The following EXOC4 variants were observed in gnomAD, a reference collection of about 807,000 sequenced individuals.
EXOC4 encodes the protein SEC8-like 1.
In EXOC4, 71 loss-of-function variants were observed where a neutral mutation model predicts 107.2. That is an observed-to-expected ratio of 0.66 (90% CI 0.55 to 0.81). The LOEUF is 0.81. EXOC4 is among the 30% of genes least tolerant of loss of function. EXOC4 has a pLI of 0.00. For synonymous variants in EXOC4, 456 were observed against 441.2 expected, an observed-to-expected ratio of 1.03 and a Z score of -0.42; for missense variants, 1,108 against 1,189.6, an observed-to-expected ratio of 0.93 and a Z score of 1.01.
intron 11 of EXOC4, among the ~76,000 whole-genome samples, chr7:133,858,904 C>G (rs1223468549): frequency 6.6e-6 from 1 of 152,162 alleles, no homozygotes; most frequent in African/African-American, 2.4e-5. Context: ...TCCCAAGATG[C>G]ATTTCAAATT....
chr7:133,971,361 T>TATAGAGAGAGAGAG (rs1489958236), intron 14 of EXOC4, among the ~76,000 whole-genome samples: 5 of 75,078 alleles, frequency 6.7e-5, no homozygotes, highest in East Asian at 9.5e-4. Flanking sequence ...TATATATATA[T>TATAGAGAGAGAGAG]AGAGAGAGAG....
chr7:133,817,451 G>A lies in EXOC4; in HGVS notation c.1641G>A (p.Glu547=). 1 of 1,614,144 alleles carries A rather than the reference G, an allele frequency of 6.2e-7. No individual in the cohort carries two copies. Among genetic ancestry groups the A allele is most frequent in the Non-Finnish European group, 8.5e-7 (1 of 1,180,014 alleles). The change falls in exon 11 of 18, where the codon GAG becomes GAA. Residue 547 remains glutamate (E), a synonymous_variant. Transcript: ENST00000253861. ...AAGTCTTGGCTGAGATCAACAAGGAGATTGAAGGAGTCACTAAAACATCTG... is the reference window on the plus strand; with the variant it reads ...AAGTCTTGGCTGAGATCAACAAGGAAATTGAAGGAGTCACTAAAACATCTG... ...LNQVLAEINK[E]IEGVTKTSDP...
intron 17 of EXOC4, among the ~76,000 whole-genome samples, chr7:134,059,481 T>C (rs1796005750): frequency 6.6e-6 from 1 of 152,122 alleles, no homozygotes; most frequent in Admixed American, 6.5e-5. Context: ...AATAAGTAGA[T>C]GAAAAATTGT....
chr7:133,540,125 G>A (rs1441190480), intron 9 of EXOC4, among the ~76,000 whole-genome samples: 1 of 152,060 alleles, frequency 6.6e-6, no homozygotes, highest in Admixed American at 6.5e-5. Flanking sequence ...TAAACATAAG[G>A]CATTTTTTGT....
chr7:133,697,852 G>A (rs1331267128), intron 10 of EXOC4, among the ~76,000 whole-genome samples: 2 of 152,102 alleles, frequency 1.3e-5, no homozygotes, highest in Non-Finnish European at 2.9e-5. Flanking sequence ...TACCAAAGGT[G>A]GGTGATTTTC....
chr7:133,623,448 C>A (rs1202156334), intron 9 of EXOC4, among the ~76,000 whole-genome samples: 1 of 152,142 alleles, frequency 6.6e-6, no homozygotes, highest in East Asian at 1.9e-4. Flanking sequence ...AAAAGACATT[C>A]TTTCTCGTTT....
chr7:133,694,172 A>G (rs148843696), intron 10 of EXOC4, among the ~76,000 whole-genome samples: 1,797 of 151,776 alleles, frequency 0.012, 34 homozygotes, highest in African/African-American at 0.041. Flanking sequence ...GAGGCAGGAG[A>G]ATTGCTTGAA....
At chr7:134,002,387 G>A (rs910563322) in intron 15 of EXOC4, among the ~76,000 whole-genome samples, 1 of 151,886 alleles carries the variant, frequency 6.6e-6, no homozygotes, top group Non-Finnish European at 1.5e-5. Context: ...AGAAAACATA[G>A]GAAAAAATTT....
At chr7:133,874,607 G>A (rs1175501626) in intron 11 of EXOC4, among the ~76,000 whole-genome samples, 2 of 152,212 alleles carry the variant, frequency 1.3e-5, no homozygotes, top group Non-Finnish European at 2.9e-5. Flanking sequence ...CCTCTGAGGT[G>A]CACGCGTAAC....
At position 133,270,920 on chromosome 7, in the gene EXOC4, C is replaced by CTT. The variant is rs34668596; in HGVS notation, c.87-4047_87-4046dup. ...AATTAGTCAGCTCTTTCATGCTTTG[C>CTT]TTTTTTTTTTTTTTTTGAGATGGAG... On this transcript the variant is annotated intron_variant, in intron 1 of 17. Transcript: ENST00000253861. Among the ~76,000 whole-genome samples the CTT allele has an allele frequency of 1.6e-3, 212 of 136,288 alleles. 3 individuals are homozygous for CTT. The highest frequency in any genetic ancestry group is 6.0e-3 in the South Asian group (25 of 4,184). 89.4% of individuals were successfully genotyped at this position (136,288 alleles called of 152,430 possible). A position where few individuals can be genotyped will look rare whatever the true frequency, so the allele number is the denominator to read the frequency against.
the EXOC4 span, among the ~76,000 whole-genome samples, chr7:134,093,081 C>T: frequency 3.3e-5 from 5 of 151,948 alleles, no homozygotes; most frequent in Non-Finnish European, 7.4e-5. Flanking sequence ...AAACCTCGCA[C>T]GTAAATATTA....
At chr7:133,850,120 C>G (rs896541372) in intron 11 of EXOC4, among the ~76,000 whole-genome samples, 2 of 152,154 alleles carry the variant, frequency 1.3e-5, no homozygotes, top group African/African-American at 4.8e-5. Flanking sequence ...CTGCCAATTC[C>G]TGTGATATGT....
chr7:133,330,805 A>C (rs1160753317), intron 5 of EXOC4, among the ~76,000 whole-genome samples: 2 of 151,924 alleles, frequency 1.3e-5, no homozygotes, highest in Non-Finnish European at 2.9e-5. Flanking sequence ...AGTCCCAGTG[A>C]GATGAACCGG....
At chr7:133,759,198 G>A (rs763966248) in intron 10 of EXOC4, among the ~76,000 whole-genome samples, 156 of 150,878 alleles carry the variant, frequency 1.0e-3, no homozygotes, top group Non-Finnish European at 1.9e-3. Context: ...GCCCAGACTG[G>A]TCTTGAACTA....
At position 133,694,014 on chromosome 7, in the gene EXOC4, C is replaced by T. The variant is rs1255435264; in HGVS notation, c.1514+63873C>T. On this transcript the variant is annotated intron_variant, in intron 10 of 17. Coordinates refer to ENST00000253861, the MANE Select transcript of EXOC4 (RefSeq NM_021807.4). ...GGTGTGGTGGCTCATGCCTGTAATC[C>T]CAGCACTTTGGGAGGCCAAGGTGGG... 2.6e-5 allele frequency among the ~76,000 whole-genome samples: 4 copies of T among 151,972 alleles called. No individual in the cohort carries two copies. In the South Asian group the frequency reaches 6.2e-4, roughly 24 times the overall value.
chr7:133,738,971 A>T (rs1238232314), intron 10 of EXOC4, among the ~76,000 whole-genome samples: 1 of 152,150 alleles, frequency 6.6e-6, no homozygotes, highest in East Asian at 1.9e-4. Flanking sequence ...AGCGAAACCA[A>T]CCTGCACAAT....
intron 10 of EXOC4, among the ~76,000 whole-genome samples, chr7:133,643,920 A>G (rs924586758): frequency 4.6e-5 from 7 of 152,154 alleles, no homozygotes; most frequent in Admixed American, 2.0e-4. Flanking sequence ...CCTTTCCCCA[A>G]TGTACAGTTA....
chr7:133,300,343 T>C (rs1237573406), intron 3 of EXOC4, among the ~76,000 whole-genome samples: 5 of 152,178 alleles, frequency 3.3e-5, no homozygotes, highest in African/African-American at 9.7e-5. Context: ...AGCTTGGCCA[T>C]AGGGAGCCAG....
At chr7:133,844,453 G>C (rs1385740422) in intron 11 of EXOC4, among the ~76,000 whole-genome samples, 7 of 132,344 alleles carry the variant, frequency 5.3e-5, no homozygotes, top group Admixed American at 2.5e-4. Flanking sequence ...ACAGTGGCGC[G>C]ATCTTGGCTC....
Sources: allele counts gnomAD v4.1 joint callset (sites outside exome capture counted in the v4.1 genomes callset), GRCh38; gene constraint gnomAD v4.1.1; transcripts MANE v1.5; gene names NCBI Gene and HGNC (gene_info 2026-07-23, HGNC 2026-07-21).